The following SNX25 variants were observed in gnomAD, a reference collection of about 807,000 sequenced individuals.
The protein encoded by SNX25 is sorting nexin 25.
A neutral mutation model predicts 113.7 loss-of-function variants in SNX25; 62 were observed. The ratio of observed to expected loss-of-function variants is 0.55; its 90% confidence interval spans 0.44 to 0.67. SNX25 has a LOEUF of 0.67. Among genes scored for constraint, SNX25 ranks in the 30% least tolerant of loss-of-function variants. SNX25 has a pLI of 0.00. For synonymous variants in SNX25, 421 were observed against 436.2 expected, an observed-to-expected ratio of 0.97 and a Z score of 0.43; for missense variants, 1,014 against 1,161.0, an observed-to-expected ratio of 0.87 and a Z score of 1.84.
In SNX25 at chr4:185,264,480, G is replaced by T. The variant is rs1203814013; in HGVS notation, c.774G>T (p.Leu258Phe). The part of the protein sequence containing the change: ...QPRPFVLHAC[L>F]RNSDDEVRFL... The stretch of plus-strand genomic sequence containing the variant: ...GACCTTTTGTGTTGCACGCATGCTT[G>T]AGGAACTCAGATGATGAAGTAAGAT... The change falls in exon 4 of 19, where the codon TTG (leucine) becomes TTT (phenylalanine). Residue 258 changes from leucine (L) to phenylalanine (F), a missense_variant. Physicochemically the swap from Leu to Phe is conservative, Grantham distance 22. Coordinates refer to ENST00000652585, the MANE Select transcript of SNX25 (RefSeq NM_001378034.2). 2.5e-6 allele frequency: 4 copies of T among 1,613,628 alleles called. No homozygotes were observed. Among genetic ancestry groups the T allele is most frequent in the Non-Finnish European group, 3.4e-6 (4 of 1,179,964 alleles).
chr4:185,263,804 A>G (rs1747662038), intron 3 of SNX25, among the ~76,000 whole-genome samples: 2 of 152,216 alleles, frequency 1.3e-5, no homozygotes, highest in South Asian at 4.1e-4. Flanking sequence ...TACTATGGGA[A>G]GGGAAGTATA....
chr4:185,373,775 T>C (rs2095424055), downstream of SNX25, among the ~76,000 whole-genome samples: 1 of 152,246 alleles, frequency 6.6e-6, no homozygotes, highest in African/African-American at 2.4e-5. Flanking sequence ...ATGGATTTTA[T>C]TTGTAACTAA....
At chr4:185,367,797 A>G (rs1272914503), downstream of SNX25, among the ~76,000 whole-genome samples, 1 of 152,184 alleles carries the variant, frequency 6.6e-6, no homozygotes, top group Non-Finnish European at 1.5e-5. Flanking sequence ...TTCCAGTAGC[A>G]GGAAGTTACA....
At position 185,348,284 on chromosome 4, in the gene SNX25, G is replaced by GA. The variant is rs1225038609; in HGVS notation, c.2301+1642dup. On this transcript the variant is annotated intron_variant, in intron 13 of 18. Transcript: ENST00000652585. ...AGTAGAAGCTAGACATTCTGAGACT[G>GA]AAAAAAAATGTTCTGAATATTTGTA... is the stretch of plus-strand genomic sequence containing the variant. 5.3e-5 allele frequency among the ~76,000 whole-genome samples: 8 copies of GA among 151,696 alleles called. No individual in the cohort carries two copies. The South Asian group carries it at 8.3e-4, about 16-fold the overall frequency.
chr4:185,310,522 T>G (rs1423635983), intron 6 of SNX25, 113 bp from the exon 7 acceptor site: 1 of 737,582 alleles, frequency 1.4e-6, no homozygotes, highest in Non-Finnish European at 2.1e-6. Flanking sequence ...GTTATTTTGT[T>G]TAGTATCCAC....
downstream of SNX25, chr4:185,366,906 G>C (rs1253801224): frequency 3.4e-5 from 9 of 268,046 alleles, no homozygotes; most frequent in East Asian, 6.1e-4. Flanking sequence ...GATACTTGCT[G>C]TATAGAATGG....
intron 1 of SNX25, among the ~76,000 whole-genome samples, chr4:185,236,163 C>T (rs55774734): frequency 0.37 from 56,699 of 151,848 alleles, 12,789 homozygotes; most frequent in East Asian, 0.57. Flanking sequence ...AGAGAATTAG[C>T]TGCCTTCAGC....
intron 1 of SNX25, among the ~76,000 whole-genome samples, chr4:185,213,859 A>T (rs1283406098): frequency 6.6e-6 from 1 of 152,088 alleles, no homozygotes; most frequent in East Asian, 1.9e-4. Context: ...GGTAAAAGAG[A>T]ATAACTTTGT....
chr4:185,340,411 G>A (rs892809605), intron 11 of SNX25, among the ~76,000 whole-genome samples: 3 of 152,182 alleles, frequency 2.0e-5, no homozygotes, highest in Non-Finnish European at 4.4e-5. Context: ...GGTGCCTTCT[G>A]TATGTCTTTG....
chr4:185,318,129 T>C lies in SNX25; in HGVS notation c.1345-2604T>C, dbSNP rs141093650. Among the ~76,000 whole-genome samples the C allele has an allele frequency of 6.8e-3, 1,042 of 152,314 alleles. 10 individuals are homozygous for C. The highest frequency in any genetic ancestry group is 0.024 in the African/African-American group (988 of 41,574). On this transcript the variant is annotated intron_variant, in intron 7 of 18. Coordinates refer to ENST00000652585, the MANE Select transcript of SNX25 (RefSeq NM_001378034.2). The stretch of plus-strand genomic sequence containing the variant: ...TTGTTGGTGTCAGAAGAGTTGAGTG[T>C]AATACACTGATGGTATGCACTTGAT...
At chr4:185,285,799 G>T (rs977777751) in intron 5 of SNX25, among the ~76,000 whole-genome samples, 2 of 152,120 alleles carry the variant, frequency 1.3e-5, no homozygotes, top group Non-Finnish European at 2.9e-5. Context: ...TTGAGACGGG[G>T]TCTTGCTCTG....
intron 12 of SNX25, among the ~76,000 whole-genome samples, chr4:185,345,814 G>A (rs955153786): frequency 1.3e-5 from 2 of 151,768 alleles, no homozygotes; most frequent in Admixed American, 6.6e-5. Context: ...AAGAAATGCA[G>A]TAATAGAGCT....
At chr4:185,374,564 G>A, downstream of SNX25, 6 of 1,217,366 alleles carry the variant, frequency 4.9e-6, no homozygotes, top group Admixed American at 2.2e-5. Context: ...CTGACACGAT[G>A]TATAATACTA....
intron 1 of SNX25, among the ~76,000 whole-genome samples, chr4:185,236,866 C>T (rs970772866): frequency 1.3e-5 from 2 of 152,118 alleles, no homozygotes; most frequent in African/African-American, 4.8e-5. Flanking sequence ...GGAAAAGTAA[C>T]TTGCCCAAGG....
intron 1 of SNX25, among the ~76,000 whole-genome samples, chr4:185,226,431 A>G (rs1389695819): frequency 6.6e-6 from 1 of 152,160 alleles, no homozygotes; most frequent in Non-Finnish European, 1.5e-5. Flanking sequence ...GTGGTCACAT[A>G]AGTCTGAAAA....
chr4:185,229,161 A>C (rs1382844928), intron 1 of SNX25, among the ~76,000 whole-genome samples: 1 of 152,216 alleles, frequency 6.6e-6, no homozygotes, highest in African/African-American at 2.4e-5. Flanking sequence ...GAAGCAGTGG[A>C]GATCTCATCT....
chr4:185,302,811 G>T (rs1753898395), intron 6 of SNX25, among the ~76,000 whole-genome samples: 2 of 152,150 alleles, frequency 1.3e-5, no homozygotes, highest in South Asian at 4.1e-4. Flanking sequence ...AAGGGCTCTT[G>T]CGAGGGTTCC....
intron 7 of SNX25, among the ~76,000 whole-genome samples, chr4:185,317,041 A>G (rs987627178): frequency 2.6e-5 from 4 of 151,664 alleles, no homozygotes; most frequent in South Asian, 4.2e-4. Context: ...CTGGCAGCCT[A>G]TAGAATGGGA....
Position 185,346,613 on chromosome 4 carries a change from T to C in SNX25, c.2264T>C (p.Met755Thr). Residue 755 changes from methionine (M) to threonine (T), a missense_variant, in exon 13 of 19, where the codon ATG (methionine) becomes ACG (threonine). Physicochemically the swap from Met to Thr is moderately conservative, Grantham distance 81. Transcript: ENST00000652585. Reference protein sequence around the residue: ...LPFKSIDQKFMEKSKNQLNKF... With the variant: ...LPFKSIDQKFTEKSKNQLNKF... ...TTCAAATCTATAGATCAAAAGTTTA[T>C]GGAAAAGTCGAAGAATCAATTAAAT... 6.3e-7 allele frequency: 1 copy of C among 1,586,710 alleles called. No homozygotes were observed. The highest frequency in any genetic ancestry group is 8.5e-7 in the Non-Finnish European group (1 of 1,172,536).
Sources: gnomAD v4.1 joint callset for allele counts (sites outside exome capture counted in the v4.1 genomes callset) on GRCh38, gnomAD v4.1.1 for gene constraint, MANE v1.5 for transcripts, NCBI Gene and HGNC (gene_info 2026-07-23, HGNC 2026-07-21) for gene names.